The following SLC9B1 variants were observed in gnomAD, a reference collection of about 807,000 sequenced individuals.
The protein encoded by SLC9B1 is sodium/hydrogen exchanger 9B1.
A neutral mutation model predicts 51.7 loss-of-function variants in SLC9B1; 32 were observed. The ratio of observed to expected loss-of-function variants is 0.62; its 90% CI spans 0.47 to 0.83. SLC9B1 has a LOEUF of 0.83. Ranked by LOEUF, SLC9B1 falls within the 40% of genes least tolerant of loss-of-function variation. SLC9B1 has a pLI of 0.00. For synonymous variants in SLC9B1, 145 were observed against 212.7 expected (o/e 0.68, Z 2.77); for missense variants, 406 against 613.2 (o/e 0.66, Z 3.57).
chr4:103,000,141 C>A (rs4623004), intron 1 of SLC9B1, among the ~76,000 whole-genome samples: 82,537 of 152,020 alleles, frequency 0.54, 22,948 homozygotes, highest in African/African-American at 0.67. Context: ...AATTACAGGT[C>A]TCTTCCTCTA....
At position 102,901,155 on chromosome 4, in the gene SLC9B1, T is replaced by C. The variant is rs1294720101; in HGVS notation, c.1510A>G (p.Lys504Glu). Residue 504 changes from lysine to glutamate, a missense_variant, in exon 12 of 12, where the codon AAA becomes GAA. By Grantham distance (56) the Lys-to-Glu change is moderately conservative. Transcript: ENST00000296422. ...AATGTTGACAACTGCAGTTTTATTT[T>C]GCTTGGATCATAATGGCGTGTAAGC... The part of the protein sequence containing the change: ...KMLTRHYDPS[K>E]IKLQLSTLEH... 1.9e-6 allele frequency: 3 copies of C among 1,611,460 alleles called. No individual in the cohort carries two copies. The highest frequency in any genetic ancestry group is 1.1e-5 in the South Asian group (1 of 90,998).
chr4:102,959,225 CATAT>C (rs534508678), intron 3 of SLC9B1, among the ~76,000 whole-genome samples: 1,716 of 131,994 alleles, frequency 0.013, 36 homozygotes, highest in African/African-American at 0.051. Flanking sequence ...AGGAGACATA[CATAT>C]ATATATACAC....
At chr4:102,940,605 C>G (rs1458583152) in intron 6 of SLC9B1, among the ~76,000 whole-genome samples, 1 of 152,190 alleles carries the variant, frequency 6.6e-6, no homozygotes, top group African/African-American at 2.4e-5. Flanking sequence ...ATCACACTAC[C>G]TGACTTCGAA....
chr4:102,966,279 T>C (rs1403659671), intron 3 of SLC9B1, among the ~76,000 whole-genome samples: 1 of 152,166 alleles, frequency 6.6e-6, no homozygotes, highest in Non-Finnish European at 1.5e-5. Flanking sequence ...GCAACAAATC[T>C]CCACCTGAGC....
intron 3 of SLC9B1, among the ~76,000 whole-genome samples, chr4:102,984,501 G>T (rs923558686): frequency 6.6e-6 from 1 of 152,114 alleles, no homozygotes; most frequent in Non-Finnish European, 1.5e-5. Flanking sequence ...AGTATTTCGG[G>T]ATGTTAAAGC....
chr4:102,932,062 G>A, intron 7 of SLC9B1, 62 bp downstream of exon 7: 1 of 1,510,824 alleles, frequency 6.6e-7, no homozygotes, highest in Non-Finnish European at 9.2e-7. Context: ...CAGAAACCCT[G>A]TTTAAAGAAG....
At chr4:102,894,130 T>C (rs1270746084) in intron 11 of SLC9B1, among the ~76,000 whole-genome samples, 1 of 152,196 alleles carries the variant, frequency 6.6e-6, no homozygotes, top group Non-Finnish European at 1.5e-5. Context: ...ATTATATCAA[T>C]AAATGCTGAG....
chr4:102,957,805 T>A (rs535648684), intron 3 of SLC9B1, among the ~76,000 whole-genome samples: 1 of 152,052 alleles, frequency 6.6e-6, no homozygotes, highest in Non-Finnish European at 1.5e-5. Context: ...TGTGTGTGTG[T>A]ATTCTGATTT....
intron 3 of SLC9B1, among the ~76,000 whole-genome samples, chr4:102,979,397 G>A (rs896280524): frequency 6.6e-6 from 1 of 152,072 alleles, no homozygotes; most frequent in South Asian, 2.1e-4. Context: ...ACACATGTGG[G>A]TCAGGACCCC....
chr4:103,016,291 C>G (rs1261146400), intron 1 of SLC9B1, among the ~76,000 whole-genome samples: 1 of 151,974 alleles, frequency 6.6e-6, no homozygotes, highest in Non-Finnish European at 1.5e-5. Context: ...ATCATTTCCA[C>G]CCCCCTCTAT....
intron 1 of SLC9B1, among the ~76,000 whole-genome samples, chr4:102,996,478 T>C (rs1365078611): frequency 1.3e-5 from 2 of 152,194 alleles, no homozygotes; most frequent in Admixed American, 1.3e-4. Context: ...TATTCTCCTA[T>C]ATATTCTTCC....
intron 1 of SLC9B1, among the ~76,000 whole-genome samples, chr4:103,007,530 A>C (rs771644366): frequency 1.3e-5 from 2 of 151,968 alleles, no homozygotes; most frequent in Non-Finnish European, 2.9e-5. Flanking sequence ...AATGCATAAC[A>C]GCCTTGAAAT....
chr4:102,996,380 T>C (rs1175830591), intron 1 of SLC9B1, among the ~76,000 whole-genome samples: 2 of 152,206 alleles, frequency 1.3e-5, no homozygotes, highest in African/African-American at 4.8e-5. Flanking sequence ...AAAGATACTT[T>C]AATTTGGCCC....
chr4:102,985,044 T>G (rs1443721884), intron 3 of SLC9B1, among the ~76,000 whole-genome samples: 3 of 152,218 alleles, frequency 2.0e-5, no homozygotes, highest in Non-Finnish European at 4.4e-5. Flanking sequence ...CATGTCTTTT[T>G]GAAAAATTAA....
At chr4:102,928,159 G>A (rs947167116) in intron 7 of SLC9B1, among the ~76,000 whole-genome samples, 1 of 152,094 alleles carries the variant, frequency 6.6e-6, no homozygotes, top group Non-Finnish European at 1.5e-5. Flanking sequence ...AAACCAACAC[G>A]GCACATGTAT....
At position 102,918,928 on chromosome 4, in the gene SLC9B1, C is replaced by T. The variant is rs142831489; in HGVS notation, c.830-7391G>A. Among the ~76,000 whole-genome samples the T allele has an allele frequency of 1.6e-3, 241 of 152,306 alleles. 2 individuals are homozygous for T. Among genetic ancestry groups the T allele is most frequent in the African/African-American group, 5.1e-3 (210 of 41,566 alleles). On this transcript the variant is annotated intron_variant, in intron 7 of 11. Transcript: ENST00000296422. ...CAAATGGCCAACTAGCATATCAACC[C>T]GACACTATGTGGCAGCTGCCAAGGC...
Position 102,903,468 on chromosome 4 carries a change from C to G in SLC9B1, c.1332+2046G>C, listed in dbSNP as rs1187033891. ...AAGAAACAGATACAGTCATAGACTT[C>G]ATTGTAAGATGAGAACACTGAAGGA... is the stretch of plus-strand genomic sequence containing the variant. On this transcript the variant is annotated intron_variant, in intron 11 of 11. Transcript: ENST00000296422. Among the ~76,000 whole-genome samples the G allele has an allele frequency of 2.0e-5, 3 of 152,198 alleles. No individual in the cohort carries two copies. In the East Asian group the frequency reaches 5.8e-4, roughly 29 times the overall value.
Position 102,948,294 on chromosome 4 carries a change from A to G in SLC9B1, c.382+963T>C, listed in dbSNP as rs143027415. On this transcript the variant is annotated intron_variant, in intron 4 of 11. Coordinates refer to ENST00000296422, the MANE Select transcript of SLC9B1 (RefSeq NM_139173.4). ...CCCTAACACATTCCATGAATCTAGT[A>G]TCACAGTTATACCCGAATCAGGCAA... Among the ~76,000 whole-genome samples, 75 of 149,936 alleles carry G rather than the reference A, an allele frequency of 5.0e-4. No individual in the cohort carries two copies. The East Asian group carries it at 0.014, about 28-fold the overall frequency.
At chr4:102,898,960 C>G (rs1343898522), downstream of SLC9B1, among the ~76,000 whole-genome samples, 2 of 152,052 alleles carry the variant, frequency 1.3e-5, no homozygotes, top group African/African-American at 4.8e-5. Flanking sequence ...CCAGGATGGT[C>G]TCCCTCCCCT....
Sources: gnomAD v4.1 joint callset for allele counts (sites outside exome capture counted in the v4.1 genomes callset) on GRCh38, gnomAD v4.1.1 for gene constraint, MANE v1.5 for transcripts, NCBI Gene and HGNC (gene_info 2026-07-23, HGNC 2026-07-21) for gene names.